ZFHX3: variants seen among roughly 807,000 people sequenced by gnomAD.
ZFHX3 encodes zinc finger homeobox protein 3.
In ZFHX3, 42 loss-of-function variants were observed where a neutral mutation model predicts 279.1. The ratio of observed to expected loss-of-function variants is 0.15; its 90% CI spans 0.12 to 0.19. ZFHX3 has a LOEUF of 0.19. Among genes scored for constraint, ZFHX3 ranks in the 10% least tolerant of loss-of-function variants. ZFHX3 has a pLI of 1.00. For missense variants in ZFHX3, 4,981 were observed against 4,754.0 expected (o/e 1.05, Z -1.40); for synonymous variants, 2,293 against 1,957.8 (o/e 1.17, Z -4.52).
chr16:73,459,557 G>A (rs191585156), intron 2 of ZFHX3, among the ~76,000 whole-genome samples: 1 of 152,124 alleles, frequency 6.6e-6, no homozygotes, highest in East Asian at 1.9e-4. Flanking sequence ...AAGTAGAGAT[G>A]GGGTTTCACC....
At chr16:73,668,517 C>T (rs193149290) in intron 2 of ZFHX3, among the ~76,000 whole-genome samples, 18 of 152,144 alleles carry the variant, frequency 1.2e-4, no homozygotes, top group Non-Finnish European at 2.2e-4. Flanking sequence ...TATGTGTTCT[C>T]ATTGCTCAAA....
intron 7 of ZFHX3, 123 bp downstream of exon 7, chr16:72,811,454 G>A: frequency 9.2e-7 from 1 of 1,089,454 alleles, no homozygotes; most frequent in South Asian, 1.7e-5. Context: ...AACAAGGACT[G>A]TTTTCTGACG....
chr16:73,108,037 T>C (rs1012759279), intron 7 of ZFHX3, among the ~76,000 whole-genome samples: 1 of 152,118 alleles, frequency 6.6e-6, no homozygotes, highest in African/African-American at 2.4e-5. Flanking sequence ...GGCGGGCACC[T>C]GTAGTCCCAG....
intron 3 of ZFHX3, among the ~76,000 whole-genome samples, chr16:73,451,389 C>T (rs1020419583): frequency 6.6e-6 from 1 of 152,178 alleles, no homozygotes; most frequent in Non-Finnish European, 1.5e-5. Context: ...ATTAGTGGCA[C>T]CAATCAATGA....
chr16:73,798,353 T>C (rs1034417792), intron 1 of ZFHX3, among the ~76,000 whole-genome samples: 1 of 151,596 alleles, frequency 6.6e-6, no homozygotes, highest in African/African-American at 2.4e-5. Flanking sequence ...CTTGAGGGCA[T>C]GGGTGAGAAG....
chr16:73,749,829 G>A (rs190859777), intron 1 of ZFHX3, among the ~76,000 whole-genome samples: 79 of 152,294 alleles, frequency 5.2e-4, no homozygotes, highest in Admixed American at 4.5e-3. Context: ...CTACTTGAAG[G>A]GCAGCCTTGG....
At position 73,781,723 on chromosome 16, in the gene ZFHX3, G is replaced by T. The variant is rs943204639; in HGVS notation, c.-1607-101483C>A. On this transcript the variant is annotated intron_variant, in intron 1 of 17. Coordinates refer to the ZFHX3 transcript ENST00000641206. ...TAAACAAGAGGTCGGGCGTGGTGGC[G>T]CATGCCTGTAATTCCAGCATTTTGG... 7.2e-5 allele frequency among the ~76,000 whole-genome samples: 11 copies of T among 152,190 alleles called. No individual in the cohort carries two copies. In the East Asian group the frequency reaches 7.7e-4, roughly 11 times the overall value.
At chr16:73,247,341 G>C (rs1163194787) in intron 5 of ZFHX3, among the ~76,000 whole-genome samples, 2 of 151,716 alleles carry the variant, frequency 1.3e-5, no homozygotes, top group East Asian at 3.9e-4. Flanking sequence ...TGTATACTGT[G>C]TATATAACGT....
At chr16:73,701,711 C>G (rs1423533433) in intron 1 of ZFHX3, among the ~76,000 whole-genome samples, 1 of 152,058 alleles carries the variant, frequency 6.6e-6, no homozygotes, top group African/African-American at 2.4e-5. Context: ...TTTTACCCTG[C>G]TACATAATTC....
intron 1 of ZFHX3, among the ~76,000 whole-genome samples, chr16:73,808,173 A>G (rs1289675887): frequency 7.4e-6 from 1 of 135,326 alleles, no homozygotes; most frequent in Non-Finnish European, 1.5e-5. Context: ...ACTTGGGAAG[A>G]AAAAGGGAAG....
chr16:73,579,888 A>G (rs2051841679), intron 2 of ZFHX3, among the ~76,000 whole-genome samples: 1 of 147,290 alleles, frequency 6.8e-6, no homozygotes, highest in African/African-American at 2.5e-5. Context: ...ACACACACAT[A>G]TAATGTATTA....
chr16:73,884,651 CTT>C (rs1184614413), intron 1 of ZFHX3, among the ~76,000 whole-genome samples: 6 of 152,164 alleles, frequency 3.9e-5, no homozygotes, highest in African/African-American at 1.4e-4. Context: ...CTTTCAGAGT[CTT>C]TATTCGCAAA....
At chr16:73,345,315 T>C (rs889444567) in intron 3 of ZFHX3, among the ~76,000 whole-genome samples, 5 of 152,100 alleles carry the variant, frequency 3.3e-5, no homozygotes, top group Non-Finnish European at 5.9e-5. Flanking sequence ...CATGGTGGTT[T>C]GGGGCACCTA....
intron 4 of ZFHX3, among the ~76,000 whole-genome samples, chr16:73,306,871 T>G (rs2015194162): frequency 1.3e-5 from 2 of 152,184 alleles, no homozygotes; most frequent in Admixed American, 1.3e-4. Context: ...CCTGGGGCAG[T>G]GTGATCAATT....
chr16:73,045,434 G>A (rs1169035308), intron 1 of ZFHX3, among the ~76,000 whole-genome samples: 3 of 152,132 alleles, frequency 2.0e-5, no homozygotes. Context: ...GCACTGAGTT[G>A]ACACAGCAGT....
intron 3 of ZFHX3, among the ~76,000 whole-genome samples, chr16:73,363,617 A>G (rs139772513): frequency 2.3e-3 from 350 of 152,340 alleles, no homozygotes; most frequent in African/African-American, 7.8e-3. Flanking sequence ...AATAGAAAGG[A>G]AAAACACAAT....
At chr16:73,390,160 C>T (rs968593531) in intron 3 of ZFHX3, among the ~76,000 whole-genome samples, 5 of 152,068 alleles carry the variant, frequency 3.3e-5, no homozygotes, top group African/African-American at 9.7e-5. Flanking sequence ...AAAAATAACC[C>T]GTCCCTCTAC....
intron 2 of ZFHX3, among the ~76,000 whole-genome samples, chr16:73,460,284 G>A (rs550034153): frequency 8.1e-4 from 123 of 152,044 alleles, no homozygotes; most frequent in Non-Finnish European, 1.5e-3. Context: ...CTAAGTGGTC[G>A]CCTGTATCAA....
At chr16:73,410,867 G>A (rs1361993561) in intron 3 of ZFHX3, among the ~76,000 whole-genome samples, 4 of 152,196 alleles carry the variant, frequency 2.6e-5, no homozygotes, top group African/African-American at 9.6e-5. Context: ...ATGGGTGATG[G>A]GAAACTAAAG....
Sources: allele counts gnomAD v4.1 joint callset (sites outside exome capture counted in the v4.1 genomes callset), GRCh38; gene constraint gnomAD v4.1.1; transcripts MANE v1.5; gene names NCBI Gene and HGNC (gene_info 2026-07-23, HGNC 2026-07-21).